PDE1C: variants seen among roughly 807,000 people sequenced by gnomAD.
The protein encoded by PDE1C is phosphodiesterase 1C.
Under a neutral mutation model 93.1 loss-of-function variants are expected in PDE1C, and 62 were observed. That is an observed-to-expected ratio of 0.67 (90% CI 0.54 to 0.82). The LOEUF is 0.82. PDE1C is among the 40% of genes least tolerant of loss of function. PDE1C has a pLI of 0.00. For missense variants in PDE1C, 742 were observed against 884.6 expected (o/e 0.84, Z 2.04); for synonymous variants, 325 against 310.1 (o/e 1.05, Z -0.50).
chr7:32,082,145 G>T (rs1262503844), intron 3 of PDE1C, among the ~76,000 whole-genome samples: 1 of 152,252 alleles, frequency 6.6e-6, no homozygotes, highest in Admixed American at 6.5e-5. Flanking sequence ...TGGAAAATCG[G>T]GTCACTCCCA....
At chr7:31,839,128 T>C (rs867857304) in intron 9 of PDE1C, among the ~76,000 whole-genome samples, 2 of 148,792 alleles carry the variant, frequency 1.3e-5, no homozygotes, top group Non-Finnish European at 3.0e-5. Context: ...TAAATATGTG[T>C]GTATATATGT....
chr7:32,015,643 C>T (rs1431209916), intron 2 of PDE1C, among the ~76,000 whole-genome samples: 2 of 151,718 alleles, frequency 1.3e-5, no homozygotes, highest in East Asian at 3.9e-4. Context: ...ATATTTTTTG[C>T]TGATAAATTT....
At chr7:32,085,202 C>A in intron 3 of PDE1C, among the ~76,000 whole-genome samples, 1 of 151,420 alleles carries the variant, frequency 6.6e-6, no homozygotes, top group Non-Finnish European at 1.5e-5. Flanking sequence ...ATACAAACTA[C>A]CATCAGAGAA....
rs562206659 is a variant in PDE1C, at chr7:31,932,360, C to T, written c.129-51500G>A. Among the ~76,000 whole-genome samples the T allele has an allele frequency of 1.3e-4, 20 of 148,278 alleles. 1 individual carries two copies. Among genetic ancestry groups the T allele is most frequent in the African/African-American group, 4.9e-4 (20 of 40,702 alleles). On this transcript the variant is annotated intron_variant, in intron 2 of 17. Transcript: ENST00000396191. ...ATCCAGAATCTACAAGGAACTTAAA[C>T]AAATTTACAAGAAAAAAGAAAACGA...
chr7:31,712,855 T>A, the PDE1C span, among the ~76,000 whole-genome samples: 1 of 152,230 alleles, frequency 6.6e-6, no homozygotes, highest in Admixed American at 6.5e-5. Flanking sequence ...TCAGATCTCA[T>A]GAGACTTATT....
chr7:31,686,204 A>G, the PDE1C span, among the ~76,000 whole-genome samples: 9 of 152,076 alleles, frequency 5.9e-5, no homozygotes, highest in Admixed American at 1.3e-4. Flanking sequence ...GGGGGTCTGG[A>G]GCCCTTCTAG....
At chr7:32,280,350 G>A (rs990320835) in intron 1 of PDE1C, among the ~76,000 whole-genome samples, 4 of 151,948 alleles carry the variant, frequency 2.6e-5, no homozygotes, top group Non-Finnish European at 5.9e-5. Flanking sequence ...AATACAAGAA[G>A]AAATTCATAA....
At chr7:32,128,969 A>G (rs1377065016) in intron 3 of PDE1C, among the ~76,000 whole-genome samples, 3 of 141,054 alleles carry the variant, frequency 2.1e-5, no homozygotes, top group Admixed American at 1.4e-4. Flanking sequence ...AAATCTAAAA[A>G]AAACAGAAAA....
At chr7:32,367,436 A>G (rs996012648) in intron 1 of PDE1C, among the ~76,000 whole-genome samples, 2 of 152,236 alleles carry the variant, frequency 1.3e-5, no homozygotes, top group African/African-American at 4.8e-5. Context: ...ATGTAAACAG[A>G]TGAAATTCAC....
At chr7:32,288,867 A>G (rs994998167) in intron 1 of PDE1C, among the ~76,000 whole-genome samples, 1 of 152,228 alleles carries the variant, frequency 6.6e-6, no homozygotes, top group African/African-American at 2.4e-5. Flanking sequence ...TGAAACTTCC[A>G]AAGGGCTGGA....
At position 32,414,944 on chromosome 7, in the gene PDE1C, G is replaced by A. The variant is rs375630514; in HGVS notation, c.310+12878C>T. On this transcript the variant is annotated intron_variant, in intron 1 of 1. Coordinates refer to the PDE1C transcript ENST00000672256. The stretch of plus-strand genomic sequence containing the variant: ...TGCAACTTGAGATATTTAAATAGAT[G>A]TAACAAAAGTAATAAGATAAATATT... 3.9e-5 allele frequency among the ~76,000 whole-genome samples: 6 copies of A among 152,206 alleles called. No homozygotes were observed. The South Asian group carries it at 8.3e-4, about 21-fold the overall frequency.
At chr7:32,285,077 A>G (rs753029701) in intron 1 of PDE1C, among the ~76,000 whole-genome samples, 1 of 152,192 alleles carries the variant, frequency 6.6e-6, no homozygotes, top group South Asian at 2.1e-4. Flanking sequence ...TGCACTTGCC[A>G]GGTCCAACCC....
intron 2 of PDE1C, among the ~76,000 whole-genome samples, chr7:31,934,849 T>A (rs1804816593): frequency 6.6e-6 from 1 of 152,104 alleles, no homozygotes; most frequent in Non-Finnish European, 1.5e-5. Flanking sequence ...CAGAAAATCA[T>A]GAAAATATAG....
At chr7:32,087,716 T>C (rs888123825) in intron 3 of PDE1C, among the ~76,000 whole-genome samples, 6 of 151,920 alleles carry the variant, frequency 3.9e-5, no homozygotes, top group South Asian at 2.1e-4. Flanking sequence ...ATGGATGAAA[T>C]TGGAAATCAT....
At chr7:32,146,212 A>G (rs1347819182) in intron 3 of PDE1C, among the ~76,000 whole-genome samples, 2 of 152,184 alleles carry the variant, frequency 1.3e-5, no homozygotes, top group Non-Finnish European at 2.9e-5. Context: ...AGAACACCCC[A>G]CCTAATGTGC....
At chr7:32,283,122 T>C (rs1288874028) in intron 1 of PDE1C, among the ~76,000 whole-genome samples, 1 of 152,224 alleles carries the variant, frequency 6.6e-6, no homozygotes, top group African/African-American at 2.4e-5. Flanking sequence ...TACTGTAATG[T>C]TATTTGTGGC....
intron 2 of PDE1C, among the ~76,000 whole-genome samples, chr7:31,986,960 A>T (rs1236412874): frequency 6.6e-6 from 1 of 151,462 alleles, no homozygotes; most frequent in Non-Finnish European, 1.5e-5. Context: ...ACACACATAC[A>T]CACACAAAAC....
At chr7:32,097,665 A>G (rs1312873662) in intron 3 of PDE1C, among the ~76,000 whole-genome samples, 2 of 152,146 alleles carry the variant, frequency 1.3e-5, no homozygotes, top group Non-Finnish European at 2.9e-5. Context: ...ATATAACCTT[A>G]CCTTGTTGGT....
chr7:32,049,427 T>G (rs1793041602), intron 2 of PDE1C, among the ~76,000 whole-genome samples: 1 of 152,116 alleles, frequency 6.6e-6, no homozygotes, highest in Non-Finnish European at 1.5e-5. Context: ...GTTTTAGGCT[T>G]TTAGCAGCCT....
Sources: allele counts gnomAD v4.1 joint callset (sites outside exome capture counted in the v4.1 genomes callset), GRCh38; gene constraint gnomAD v4.1.1; transcripts MANE v1.5; gene names NCBI Gene and HGNC (gene_info 2026-07-23, HGNC 2026-07-21).